Variants in ULK4 observed in about 807,000 individuals in gnomAD.
The protein encoded by ULK4 is inactive serine/threonine-protein kinase ULK4.
Under a neutral mutation model 160.6 loss-of-function variants are expected in ULK4, and 133 were observed. That is an observed-to-expected ratio of 0.83 (90% confidence interval 0.72 to 0.96). The LOEUF (loss-of-function observed/expected upper bound fraction) is 0.96, where lower values mean the gene tolerates loss of function less well. ULK4 is among the 40% of genes least tolerant of loss of function. The pLI is 0.00. For synonymous variants in ULK4, 534 were observed against 539.8 expected (o/e 0.99, Z 0.15); for missense variants, 1,580 against 1,499.5 (o/e 1.05, Z -0.89).
intron 31 of ULK4, among the ~76,000 whole-genome samples, chr3:41,601,673 C>T (rs1013173955): frequency 6.6e-6 from 1 of 151,890 alleles, no homozygotes; most frequent in African/African-American, 2.4e-5. Flanking sequence ...TCCCCCAAAC[C>T]CATAATGCTT....
chr3:41,467,267 C>A (rs564873415), intron 32 of ULK4, among the ~76,000 whole-genome samples: 1 of 152,318 alleles, frequency 6.6e-6, no homozygotes, highest in South Asian at 2.1e-4. Flanking sequence ...GTGGCTCACA[C>A]CTGTAATTCC....
intron 35 of ULK4, among the ~76,000 whole-genome samples, chr3:41,337,754 A>G (rs1349995815): frequency 6.6e-6 from 1 of 152,232 alleles, no homozygotes; most frequent in East Asian, 1.9e-4. Context: ...AACCACAGAC[A>G]GAAAATCCAA....
chr3:41,751,482 G>C (rs1202823286), intron 22 of ULK4, among the ~76,000 whole-genome samples: 1 of 152,012 alleles, frequency 6.6e-6, no homozygotes, highest in Non-Finnish European at 1.5e-5. Flanking sequence ...TCACTTTCCA[G>C]ACCCTCTCTC....
chr3:41,920,290 A>C (rs1054100825), intron 5 of ULK4, among the ~76,000 whole-genome samples: 2 of 152,162 alleles, frequency 1.3e-5, no homozygotes, highest in Non-Finnish European at 2.9e-5. Context: ...TAGCTAACTG[A>C]ACACTGGCTC....
intron 31 of ULK4, among the ~76,000 whole-genome samples, chr3:41,578,825 T>A (rs1257970307): frequency 6.6e-6 from 1 of 152,182 alleles, no homozygotes; most frequent in Non-Finnish European, 1.5e-5. Flanking sequence ...ACTGGCCAAC[T>A]TGATCAAGGG....
chr3:41,744,965 T>C (rs1376999231), intron 22 of ULK4, among the ~76,000 whole-genome samples: 2 of 151,578 alleles, frequency 1.3e-5, no homozygotes, highest in African/African-American at 2.4e-5. Flanking sequence ...AAATAATACA[T>C]GGATCAATGA....
chr3:41,496,947 A>G (rs2085013256), intron 32 of ULK4, among the ~76,000 whole-genome samples: 1 of 152,138 alleles, frequency 6.6e-6, no homozygotes, highest in African/African-American at 2.4e-5. Flanking sequence ...GGAAGACAAC[A>G]AAATTCAGAT....
chr3:41,757,062 A>G (rs887875624), intron 21 of ULK4, among the ~76,000 whole-genome samples: 1 of 152,032 alleles, frequency 6.6e-6, no homozygotes, highest in African/African-American at 2.4e-5. Context: ...CACATAAACT[A>G]GAGTATTTGC....
chr3:41,606,285 A>C (rs2032381070), intron 31 of ULK4, among the ~76,000 whole-genome samples: 1 of 152,028 alleles, frequency 6.6e-6, no homozygotes, highest in African/African-American at 2.4e-5. Context: ...AAAAGAAAGC[A>C]ATAAAACCAA....
intron 16 of ULK4, among the ~76,000 whole-genome samples, chr3:41,893,449 C>T (rs1224125107): frequency 1.3e-5 from 2 of 152,098 alleles, no homozygotes; most frequent in Non-Finnish European, 2.9e-5. Flanking sequence ...ATTTTAAACA[C>T]ATTGACTGGG....
At chr3:41,740,052 G>T (rs1043678625) in intron 22 of ULK4, among the ~76,000 whole-genome samples, 1 of 151,488 alleles carries the variant, frequency 6.6e-6, no homozygotes, top group Non-Finnish European at 1.5e-5. Context: ...TTCCTTTTAT[G>T]GTTTATTTCA....
intron 35 of ULK4, among the ~76,000 whole-genome samples, 163 bp from the exon 36 acceptor site, chr3:41,249,737 CCA>C (rs1054799000): frequency 1.3e-5 from 2 of 152,174 alleles, no homozygotes; most frequent in African/African-American, 4.8e-5. Flanking sequence ...GTAACCTCCC[CCA>C]CAGAGTGTTG....
chr3:41,826,243 G>A (rs2041347518), intron 18 of ULK4, among the ~76,000 whole-genome samples: 1 of 152,122 alleles, frequency 6.6e-6, no homozygotes, highest in African/African-American at 2.4e-5. Context: ...GGAAGAAACT[G>A]AATCAACTAA....
intron 17 of ULK4, among the ~76,000 whole-genome samples, chr3:41,857,892 CT>C (rs2042398533): frequency 6.6e-6 from 1 of 151,916 alleles, no homozygotes. Flanking sequence ...TGTTTTAACT[CT>C]TTGGAAAAAC....
intron 32 of ULK4, among the ~76,000 whole-genome samples, chr3:41,556,695 GC>G (rs1421139589): frequency 6.6e-6 from 1 of 151,832 alleles, no homozygotes; most frequent in African/African-American, 2.4e-5. Context: ...CACTGTGTTA[GC>G]CAGGATGGTC....
At chr3:41,774,223 G>A (rs2039516923) in intron 21 of ULK4, among the ~76,000 whole-genome samples, 1 of 151,604 alleles carries the variant, frequency 6.6e-6, no homozygotes, top group South Asian at 2.1e-4. Context: ...TTGACAAATG[G>A]GATCTAATTA....
chr3:41,831,880 C>T (rs2041602374), intron 18 of ULK4, among the ~76,000 whole-genome samples: 1 of 152,130 alleles, frequency 6.6e-6, no homozygotes, highest in African/African-American at 2.4e-5. Flanking sequence ...GATATGATCT[C>T]ATTCTTTTTT....
At chr3:41,342,105 T>C (rs570510554) in intron 35 of ULK4, among the ~76,000 whole-genome samples, 1 of 152,214 alleles carries the variant, frequency 6.6e-6, no homozygotes, top group Non-Finnish European at 1.5e-5. Flanking sequence ...TCACTCCTTT[T>C]AAGTTCTTGG....
chr3:41,753,148 G>A (rs1259074055), intron 22 of ULK4, among the ~76,000 whole-genome samples: 5 of 152,156 alleles, frequency 3.3e-5, no homozygotes, highest in African/African-American at 1.2e-4. Flanking sequence ...CTGGTGTGGG[G>A]ATCGAGGCTC....
Sources: gnomAD v4.1 joint callset for allele counts (sites outside exome capture counted in the v4.1 genomes callset) on GRCh38, gnomAD v4.1.1 for gene constraint, MANE v1.5 for transcripts, NCBI Gene and HGNC (gene_info 2026-07-23, HGNC 2026-07-21) for gene names.